The following CREM variants were observed in gnomAD, a reference collection of about 807,000 sequenced individuals.
CREM encodes the protein cAMP-responsive element modulator.
Under a neutral mutation model 37.3 loss-of-function variants are expected in CREM, and 13 were observed. The observed-to-expected ratio is 0.35, with a 90% CI of 0.23 to 0.55. The LOEUF (loss-of-function observed/expected upper bound fraction) is 0.55, where lower values mean the gene tolerates loss of function less well. Ranked by LOEUF, CREM falls within the 20% of genes least tolerant of loss-of-function variation. The probability of loss-of-function intolerance (pLI) is 0.88; values close to 1 mark genes in which losing one functional copy is unlikely to be tolerated. For missense variants in CREM, 296 were observed against 362.3 expected, an observed-to-expected ratio of 0.82 and a Z score of 1.49; for synonymous variants, 124 against 120.2, an observed-to-expected ratio of 1.03 and a Z score of -0.21.
At chr10:35,128,192 TGA>T (rs2088388041) in intron 1 of CREM, among the ~76,000 whole-genome samples, 1 of 152,218 alleles carries the variant, frequency 6.6e-6, no homozygotes, top group Non-Finnish European at 1.5e-5. Flanking sequence ...TACCTGAGTT[TGA>T]AATCACTTAG....
chr10:35,198,021 C>A (rs935620452), intron 6 of CREM, among the ~76,000 whole-genome samples: 1 of 152,152 alleles, frequency 6.6e-6, no homozygotes, highest in Non-Finnish European at 1.5e-5. Flanking sequence ...CTTATCCTTA[C>A]AAAATATGAT....
At chr10:35,127,876 CTTG>C (rs1564769982) in intron 1 of CREM, among the ~76,000 whole-genome samples, 1 of 151,652 alleles carries the variant, frequency 6.6e-6, no homozygotes, top group Non-Finnish European at 1.5e-5. Context: ...GAGACGGAGT[CTTG>C]CTGTTACCCA....
chr10:35,184,211 A>T (rs944516256), intron 5 of CREM, among the ~76,000 whole-genome samples: 2 of 152,226 alleles, frequency 1.3e-5, no homozygotes, highest in Non-Finnish European at 2.9e-5. Flanking sequence ...CAGCTAGACC[A>T]ATATCAGGAT....
At chr10:35,195,669 T>G (rs1241362696) in intron 6 of CREM, among the ~76,000 whole-genome samples, 2 of 152,136 alleles carry the variant, frequency 1.3e-5, no homozygotes, top group Non-Finnish European at 2.9e-5. Flanking sequence ...CAAATGCAGC[T>G]CCAAACAGAA....
intron 6 of CREM, chr10:35,195,034 T>C: frequency 3.1e-6 from 2 of 637,694 alleles, no homozygotes; most frequent in Non-Finnish European, 5.3e-6. Flanking sequence ...TTCAGTGAGC[T>C]CGCCTGTGAC....
chr10:35,141,705 T>A (rs932635100), intron 2 of CREM, among the ~76,000 whole-genome samples: 2 of 152,198 alleles, frequency 1.3e-5, no homozygotes, highest in Non-Finnish European at 2.9e-5. Flanking sequence ...CCTAGAGTCA[T>A]GGGTTTAAAT....
chr10:35,153,317 C>T (rs1045669212), intron 3 of CREM, among the ~76,000 whole-genome samples: 8 of 151,994 alleles, frequency 5.3e-5, no homozygotes, highest in Non-Finnish European at 7.4e-5. Context: ...TTCTTCTTGT[C>T]GCTGAAGTAT....
intron 3 of CREM, among the ~76,000 whole-genome samples, chr10:35,160,237 C>T (rs2093204052): frequency 6.6e-6 from 1 of 152,068 alleles, no homozygotes; most frequent in Non-Finnish European, 1.5e-5. Flanking sequence ...TGTATCTAAA[C>T]ATAGGAAAGG....
At chr10:35,194,126 A>G (rs1201897214) in intron 6 of CREM, among the ~76,000 whole-genome samples, 1 of 147,692 alleles carries the variant, frequency 6.8e-6, no homozygotes, top group African/African-American at 2.5e-5. Flanking sequence ...AAAAAAAAAG[A>G]CAAAAGGTCT....
intron 2 of CREM, among the ~76,000 whole-genome samples, chr10:35,143,289 A>G (rs2091682942): frequency 6.6e-6 from 1 of 152,162 alleles, no homozygotes; most frequent in Admixed American, 6.6e-5. Context: ...AATTAAAATG[A>G]GAAGCCATGT....
At chr10:35,185,201 C>G (rs1206751071) in intron 5 of CREM, among the ~76,000 whole-genome samples, 1 of 151,282 alleles carries the variant, frequency 6.6e-6, no homozygotes, top group Non-Finnish European at 1.5e-5. Flanking sequence ...CTCCCAGATT[C>G]AAGCGATTCT....
At chr10:35,191,414 T>A (rs181218226) in intron 6 of CREM, among the ~76,000 whole-genome samples, 15 of 152,040 alleles carry the variant, frequency 9.9e-5, no homozygotes, top group African/African-American at 3.6e-4. Flanking sequence ...CTTCCAATCT[T>A]TATTCCTGTT....
chr10:35,175,173 T>C (rs532242086), intron 3 of CREM, among the ~76,000 whole-genome samples: 5 of 152,284 alleles, frequency 3.3e-5, no homozygotes, highest in East Asian at 1.9e-4. Context: ...ACTGGCCAGG[T>C]ACAGTGGCTC....
At chr10:35,168,245 A>C (rs916626710) in intron 3 of CREM, among the ~76,000 whole-genome samples, 1 of 152,156 alleles carries the variant, frequency 6.6e-6, no homozygotes, top group Non-Finnish European at 1.5e-5. Flanking sequence ...ATTTCTCCAC[A>C]TCCTCTCCAG....
At chr10:35,133,068 T>A (rs1473359961) in intron 1 of CREM, among the ~76,000 whole-genome samples, 1 of 152,186 alleles carries the variant, frequency 6.6e-6, no homozygotes, top group Non-Finnish European at 1.5e-5. Flanking sequence ...TTCCACATTC[T>A]TTTCTTTTTC....
chr10:35,196,067 A>G, intron 6 of CREM: 1 of 1,614,204 alleles, frequency 6.2e-7, no homozygotes, highest in Non-Finnish European at 8.5e-7. Context: ...TAATGCATGA[A>G]CAGAACTCAG....
At chr10:35,156,528 G>A (rs2092925819) in intron 3 of CREM, among the ~76,000 whole-genome samples, 1 of 152,328 alleles carries the variant, frequency 6.6e-6, no homozygotes, top group African/African-American at 2.4e-5. Flanking sequence ...GGCATTACAG[G>A]TGTGAGCCAC....
chr10:35,207,065 C>A lies in CREM; in HGVS notation c.755+14C>A. The A allele has an allele frequency of 6.2e-7, 1 of 1,608,064 alleles. No individual in the cohort carries two copies. The highest frequency in any genetic ancestry group is 8.5e-7 in the Non-Finnish European group (1 of 1,176,388). On this transcript the variant is annotated intron_variant, in intron 7 of 7. Transcript: ENST00000685392. ...AATGAAAAACAGGTGAGGTGTTGCACAGGGAATCGGTAACTTCTAGGACAC... is the reference window on the plus strand; with the variant it reads ...AATGAAAAACAGGTGAGGTGTTGCAAAGGGAATCGGTAACTTCTAGGACAC...
rs760648903 is a variant in CREM, at chr10:35,188,303, A to G, written c.513A>G (p.Pro171=). 1.3e-5 allele frequency: 21 copies of G among 1,614,100 alleles called. No homozygotes were observed. The highest frequency in any genetic ancestry group is 1.7e-5 in the Non-Finnish European group (20 of 1,180,036). ...LTMTNSGAPP[P]GATIVQYAAQ... ...TGACAAATTCAGGAGCTCCTCCACC[A>G]GGTGCTACAATTGTACAGTACGCAG... The change falls in exon 6 of 8, where the codon CCA becomes CCG. Residue 171 remains proline, a synonymous_variant. Transcript: ENST00000685392.
Sources: gnomAD v4.1 joint callset for allele counts (sites outside exome capture counted in the v4.1 genomes callset) on GRCh38, gnomAD v4.1.1 for gene constraint, MANE v1.5 for transcripts, NCBI Gene and HGNC (gene_info 2026-07-23, HGNC 2026-07-21) for gene names.